BTBD9: variants seen among roughly 807,000 people sequenced by gnomAD.
The protein encoded by BTBD9 is BTB/POZ domain-containing protein 9.
Under a neutral mutation model 64.3 loss-of-function variants are expected in BTBD9, and 49 were observed. The ratio of observed to expected loss-of-function variants is 0.76; its 90% confidence interval spans 0.61 to 0.97. The LOEUF is 0.97. BTBD9 is among the 50% of genes least tolerant of loss of function. The probability of loss-of-function intolerance (pLI) is 0.00; values close to 1 mark genes in which losing one functional copy is unlikely to be tolerated. For missense variants in BTBD9, 598 were observed against 762.1 expected (o/e 0.78, Z 2.53); for synonymous variants, 260 against 274.7 (o/e 0.95, Z 0.53).
In BTBD9 at chr6:38,422,976, T is replaced by A. The variant is rs988302280; in HGVS notation, c.1155-77883A>T. On this transcript the variant is annotated intron_variant, in intron 6 of 10. Coordinates refer to ENST00000481247, the MANE Select transcript of BTBD9 (RefSeq NM_001099272.2). Reference sequence around the variant, plus strand: ...TCATCTCTATTTAAATATATATTTTTTAAATAGATTAGATGTGATGGCTGA... The same window carrying A: ...TCATCTCTATTTAAATATATATTTTATAAATAGATTAGATGTGATGGCTGA... 5.3e-5 allele frequency among the ~76,000 whole-genome samples: 8 copies of A among 152,168 alleles called. No individual in the cohort carries two copies. In the East Asian group the frequency reaches 1.5e-3, roughly 29 times the overall value.
chr6:38,249,626 G>A (rs924956237), intron 9 of BTBD9, among the ~76,000 whole-genome samples: 2 of 151,980 alleles, frequency 1.3e-5, no homozygotes, highest in Admixed American at 1.3e-4. Flanking sequence ...CACAGAATGG[G>A]AAACACAGCA....
chr6:38,360,996 C>A (rs1441544211), intron 6 of BTBD9, among the ~76,000 whole-genome samples: 1 of 152,198 alleles, frequency 6.6e-6, no homozygotes, highest in Non-Finnish European at 1.5e-5. Flanking sequence ...GACCTAATGG[C>A]ATCCCTTTCC....
chr6:38,603,761 G>A (rs1364099978), intron 1 of BTBD9, among the ~76,000 whole-genome samples: 3 of 152,010 alleles, frequency 2.0e-5, no homozygotes, highest in African/African-American at 4.8e-5. Flanking sequence ...AAGCCTTTAC[G>A]GGAAAAAAGA....
intron 8 of BTBD9, among the ~76,000 whole-genome samples, chr6:38,283,673 A>G (rs973620194): frequency 6.6e-6 from 1 of 152,132 alleles, no homozygotes; most frequent in Admixed American, 6.5e-5. Context: ...TTTAAAACCA[A>G]TATACCATTG....
chr6:38,179,006 C>T (rs1761418680), intron 10 of BTBD9, among the ~76,000 whole-genome samples: 1 of 152,084 alleles, frequency 6.6e-6, no homozygotes, highest in South Asian at 2.1e-4. Flanking sequence ...GCACGTGCCA[C>T]CACACCCAGC....
At chr6:38,290,116 T>A (rs1311123466) in intron 7 of BTBD9, among the ~76,000 whole-genome samples, 1 of 139,668 alleles carries the variant, frequency 7.2e-6, no homozygotes, top group African/African-American at 2.7e-5. Context: ...CTTCACTAAT[T>A]GCTTTGCTCT....
intron 8 of BTBD9, among the ~76,000 whole-genome samples, chr6:38,280,077 T>C (rs1312519564): frequency 1.3e-5 from 2 of 152,194 alleles, no homozygotes; most frequent in African/African-American, 4.8e-5. Context: ...GCTCCTCCTG[T>C]ATTTTTAACA....
At chr6:38,553,354 T>C (rs573867325) in intron 6 of BTBD9, among the ~76,000 whole-genome samples, 38 of 152,188 alleles carry the variant, frequency 2.5e-4, no homozygotes, top group African/African-American at 8.7e-4. Context: ...TAATTTCACT[T>C]GATATTGATT....
chr6:38,453,844 C>T (rs1769668084), intron 6 of BTBD9, among the ~76,000 whole-genome samples: 2 of 152,082 alleles, frequency 1.3e-5, no homozygotes, highest in South Asian at 2.1e-4. Context: ...TGGAAGAAGA[C>T]ATTGGAAAAA....
intron 6 of BTBD9, among the ~76,000 whole-genome samples, chr6:38,371,415 G>A (rs1016910866): frequency 2.0e-5 from 3 of 152,188 alleles, no homozygotes; most frequent in Non-Finnish European, 4.4e-5. Flanking sequence ...ATTACCAGAC[G>A]ATCACTGGCT....
At chr6:38,250,842 G>A (rs1764368491) in intron 9 of BTBD9, among the ~76,000 whole-genome samples, 2 of 152,116 alleles carry the variant, frequency 1.3e-5, no homozygotes, top group Admixed American at 1.3e-4. Flanking sequence ...GGAAGCCGAG[G>A]TGGGGGGATC....
intron 1 of BTBD9, among the ~76,000 whole-genome samples, chr6:38,634,222 T>C (rs1778456894): frequency 6.6e-6 from 1 of 152,246 alleles, no homozygotes; most frequent in Admixed American, 6.5e-5. Flanking sequence ...TACTGTTTTA[T>C]TTCCTTATAT....
chr6:38,342,012 G>A (rs1764121824), intron 7 of BTBD9, among the ~76,000 whole-genome samples: 1 of 152,140 alleles, frequency 6.6e-6, no homozygotes, highest in Non-Finnish European at 1.5e-5. Flanking sequence ...GAACCCCTTT[G>A]GTGGGAAAAG....
Position 38,174,472 on chromosome 6 carries a change from C to G in BTBD9, c.*513G>C, listed in dbSNP as rs1228014323. On this transcript the variant is annotated 3_prime_UTR_variant, in exon 11 of 11. Transcript: ENST00000481247. ...TGCTGTTTGAGCATTTCAAATAGAT[C>G]CGGAACACCTATGATTCACTGAGTG... The G allele has an allele frequency of 6.5e-6, 1 of 153,978 alleles. No individual in the cohort carries two copies. The highest frequency in any genetic ancestry group is 2.4e-5 in the African/African-American group (1 of 41,510). The allele number at this position is 153,978 out of a possible 1,614,324, so 9.5% of individuals were successfully genotyped here.
At position 38,263,899 on chromosome 6, in the gene BTBD9, A is replaced by G. The variant is rs142996947; in HGVS notation, c.1455-7383T>C. On this transcript the variant is annotated intron_variant, in intron 8 of 10. Transcript: ENST00000481247. Reference sequence around the variant, plus strand: ...CAAAGATAAGCTCCTGGTGGAGTGCACTGGACAGAAAAGGTACGCAATAAG... The same window carrying G: ...CAAAGATAAGCTCCTGGTGGAGTGCGCTGGACAGAAAAGGTACGCAATAAG... Among the ~76,000 whole-genome samples, 494 of 152,328 alleles carry G rather than the reference A, an allele frequency of 3.2e-3. 2 individuals carry two copies. The highest frequency in any genetic ancestry group is 5.3e-3 in the Non-Finnish European group (362 of 68,024).
intron 6 of BTBD9, among the ~76,000 whole-genome samples, chr6:38,512,214 C>T (rs1207042840): frequency 6.6e-6 from 1 of 152,056 alleles, no homozygotes; most frequent in Non-Finnish European, 1.5e-5. Context: ...CTCAGGTGAT[C>T]TGCCCGCCTC....
chr6:38,190,522 G>C (rs1762028059), intron 10 of BTBD9, among the ~76,000 whole-genome samples: 1 of 150,716 alleles, frequency 6.6e-6, no homozygotes, highest in Non-Finnish European at 1.5e-5. Flanking sequence ...CTACTTTGAG[G>C]CTTTTTTTCC....
At chr6:38,479,628 T>C (rs529692217) in intron 6 of BTBD9, among the ~76,000 whole-genome samples, 2 of 152,332 alleles carry the variant, frequency 1.3e-5, no homozygotes, top group African/African-American at 4.8e-5. Flanking sequence ...CCCACTGATG[T>C]AGTTGGTATT....
In BTBD9 at chr6:38,266,951, G is replaced by A. The variant is rs542216545; in HGVS notation, c.1455-10435C>T. Among the ~76,000 whole-genome samples the A allele has an allele frequency of 2.6e-5, 4 of 152,314 alleles. No individual in the cohort carries two copies. The South Asian group carries it at 6.2e-4, about 24-fold the overall frequency. The stretch of plus-strand genomic sequence containing the variant: ...ATGCAGCTTTTACGGATCTTCCCCC[G>A]TGTTTAAATTTGGCATCACCAATTC... On this transcript the variant is annotated intron_variant, in intron 8 of 10. Coordinates refer to ENST00000481247, the MANE Select transcript of BTBD9 (RefSeq NM_001099272.2).
Sources: allele counts gnomAD v4.1 joint callset (sites outside exome capture counted in the v4.1 genomes callset), GRCh38; gene constraint gnomAD v4.1.1; transcripts MANE v1.5; gene names NCBI Gene and HGNC (gene_info 2026-07-23, HGNC 2026-07-21).